Variants in TENM3 observed in about 807,000 individuals in gnomAD.
TENM3 encodes the protein teneurin-3.
Under a neutral mutation model 255.1 loss-of-function variants are expected in TENM3, and 63 were observed. The ratio of observed to expected loss-of-function variants is 0.25; its 90% CI spans 0.20 to 0.30. The LOEUF is 0.30. Ranked by LOEUF, TENM3 falls within the 10% of genes least tolerant of loss-of-function variation. The pLI is 1.00. For synonymous variants in TENM3, 1,306 were observed against 1,322.3 expected (o/e 0.99, Z 0.27); for missense variants, 2,929 against 3,461.1 (o/e 0.85, Z 3.86).
the TENM3 span, among the ~76,000 whole-genome samples, chr4:181,460,457 G>A: frequency 6.6e-6 from 1 of 151,662 alleles, no homozygotes; most frequent in African/African-American, 2.4e-5. Flanking sequence ...GATGATCTCT[G>A]CCTTTTAATT....
intron 3 of TENM3, among the ~76,000 whole-genome samples, chr4:182,537,641 C>T (rs533027029): frequency 1.3e-5 from 2 of 152,164 alleles, no homozygotes; most frequent in South Asian, 4.2e-4. Flanking sequence ...TGCCCTTTTT[C>T]AAAAGTTTTC....
the TENM3 span, among the ~76,000 whole-genome samples, chr4:182,015,248 C>T: frequency 5.3e-5 from 8 of 152,198 alleles, no homozygotes; most frequent in African/African-American, 1.7e-4. Context: ...GCCTGCCCTG[C>T]TCCCACAAAG....
chr4:182,759,157 C>G (rs1244857804), intron 22 of TENM3, among the ~76,000 whole-genome samples: 1 of 152,210 alleles, frequency 6.6e-6, no homozygotes, highest in East Asian at 1.9e-4. Context: ...ATTAACATGT[C>G]ACAGTATTGG....
chr4:181,798,535 A>G, the TENM3 span, among the ~76,000 whole-genome samples: 4 of 152,292 alleles, frequency 2.6e-5, no homozygotes, highest in African/African-American at 7.2e-5. Context: ...TGAGTTCCAC[A>G]GGAAAAGAAG....
the TENM3 span, among the ~76,000 whole-genome samples, chr4:181,972,944 C>G: frequency 6.6e-6 from 1 of 152,086 alleles, no homozygotes; most frequent in Non-Finnish European, 1.5e-5. Flanking sequence ...AAAAAAATCC[C>G]TGACTGCAGT....
the TENM3 span, among the ~76,000 whole-genome samples, chr4:181,494,614 T>C: frequency 6.6e-6 from 1 of 152,306 alleles, no homozygotes; most frequent in Non-Finnish European, 1.5e-5. Flanking sequence ...TTGCCCCTAC[T>C]ATCTGTCATG....
the TENM3 span, among the ~76,000 whole-genome samples, chr4:181,816,110 T>C: frequency 1.3e-5 from 2 of 152,176 alleles, no homozygotes; most frequent in African/African-American, 4.8e-5. Flanking sequence ...GCCCCTGTGT[T>C]CATGTAGTTA....
At chr4:182,221,201 A>G (rs1561212922) in intron 1 of TENM3, among the ~76,000 whole-genome samples, 1 of 152,210 alleles carries the variant, frequency 6.6e-6, no homozygotes, top group Non-Finnish European at 1.5e-5. Context: ...CCTTTGTTAC[A>G]TGTGATAAAC....
chr4:182,525,237 G>T (rs1739035765), intron 3 of TENM3, among the ~76,000 whole-genome samples: 1 of 152,200 alleles, frequency 6.6e-6, no homozygotes, highest in Admixed American at 6.5e-5. Context: ...CCATAGGGCT[G>T]TTCCACAAAG....
the TENM3 span, among the ~76,000 whole-genome samples, chr4:181,618,959 C>T: frequency 1.2e-3 from 182 of 152,352 alleles, 1 homozygote; most frequent in Non-Finnish European, 2.1e-3. Context: ...CCACTCTCTA[C>T]TTCTGCACCC....
At chr4:182,092,240 C>T in the TENM3 span, among the ~76,000 whole-genome samples, 1 of 152,102 alleles carries the variant, frequency 6.6e-6, no homozygotes, top group Admixed American at 6.5e-5. Context: ...TCTCAGGAGG[C>T]TGTGGTGGGA....
the TENM3 span, among the ~76,000 whole-genome samples, chr4:181,685,210 G>A: frequency 6.6e-6 from 1 of 152,028 alleles, no homozygotes; most frequent in Non-Finnish European, 1.5e-5. Flanking sequence ...ACCTCTGGTG[G>A]AGATTTTTAT....
intron 3 of TENM3, among the ~76,000 whole-genome samples, chr4:182,513,817 C>A (rs756687069): frequency 6.6e-5 from 10 of 152,188 alleles, no homozygotes; most frequent in Non-Finnish European, 1.3e-4. Context: ...CCAGAGCGCA[C>A]ACCTCAACCA....
the TENM3 span, among the ~76,000 whole-genome samples, chr4:181,701,128 T>C: frequency 1.3e-5 from 2 of 152,140 alleles, no homozygotes; most frequent in African/African-American, 4.8e-5. Context: ...TCCGGGCACT[T>C]AGTATTCTCG....
chr4:181,606,367 C>T, the TENM3 span, among the ~76,000 whole-genome samples: 2 of 152,176 alleles, frequency 1.3e-5, no homozygotes, highest in Non-Finnish European at 2.9e-5. Context: ...CCTCTTGTTC[C>T]TTCCGTTTTT....
At chr4:181,475,478 G>A in the TENM3 span, among the ~76,000 whole-genome samples, 22 of 152,270 alleles carry the variant, frequency 1.4e-4, no homozygotes, top group South Asian at 4.6e-3. Flanking sequence ...TTTTGCCTCT[G>A]TGGCGTATTT....
chr4:181,693,422 A>T, the TENM3 span, among the ~76,000 whole-genome samples: 1 of 152,196 alleles, frequency 6.6e-6, no homozygotes, highest in African/African-American at 2.4e-5. Context: ...CTGACAGTCC[A>T]TTCCTCAGAC....
chr4:182,589,990 A>C (rs1487954148), intron 3 of TENM3, among the ~76,000 whole-genome samples: 1 of 152,138 alleles, frequency 6.6e-6, no homozygotes, highest in Non-Finnish European at 1.5e-5. Context: ...ACAAAAACAA[A>C]AACAAAAAAC....
chr4:182,460,251 AT>A (rs1362337038), intron 3 of TENM3, among the ~76,000 whole-genome samples: 3 of 152,194 alleles, frequency 2.0e-5, no homozygotes, highest in Non-Finnish European at 4.4e-5. Flanking sequence ...ACATTGAATT[AT>A]TTATCTATGT....
Sources: allele counts gnomAD v4.1 joint callset (sites outside exome capture counted in the v4.1 genomes callset), GRCh38; gene constraint gnomAD v4.1.1; transcripts MANE v1.5; gene names NCBI Gene and HGNC (gene_info 2026-07-23, HGNC 2026-07-21).